Variants in A1CF observed in about 807,000 individuals in gnomAD.
The protein encoded by A1CF is APOBEC1 complementation factor.
In A1CF, 48 loss-of-function variants were observed where a neutral mutation model predicts 68.9. The observed-to-expected ratio is 0.70, with a 90% CI of 0.55 to 0.89. The LOEUF is 0.89. Among genes scored for constraint, A1CF ranks in the 40% least tolerant of loss-of-function variants. The pLI is 0.00. For missense variants in A1CF, 653 were observed against 718.9 expected (o/e 0.91, Z 1.05); for synonymous variants, 272 against 260.4 (o/e 1.04, Z -0.43).
At chr10:50,882,954 G>A (rs940120293) in intron 1 of A1CF, among the ~76,000 whole-genome samples, 1 of 152,146 alleles carries the variant, frequency 6.6e-6, no homozygotes, top group Non-Finnish European at 1.5e-5. Flanking sequence ...TGGGTGAAAA[G>A]GTGTTGGGGT....
At chr10:50,875,098 G>A (rs1237396114) in intron 1 of A1CF, among the ~76,000 whole-genome samples, 3 of 152,190 alleles carry the variant, frequency 2.0e-5, no homozygotes, top group Admixed American at 6.5e-5. Context: ...CAAATACATG[G>A]ACCATATACT....
At chr10:50,880,409 G>A (rs571032634) in intron 1 of A1CF, among the ~76,000 whole-genome samples, 15 of 152,326 alleles carry the variant, frequency 9.8e-5, no homozygotes, top group Non-Finnish European at 2.1e-4. Flanking sequence ...GTGGCAGGAT[G>A]TAAGAGGATG....
At chr10:50,867,476 A>G (rs1044920952) in intron 1 of A1CF, among the ~76,000 whole-genome samples, 3 of 152,222 alleles carry the variant, frequency 2.0e-5, no homozygotes, top group Non-Finnish European at 4.4e-5. Context: ...AATGGGAGCT[A>G]CATAATGTGT....
At chr10:50,822,641 A>G (rs1838732345) in intron 7 of A1CF, 1 of 152,180 alleles carries the variant, frequency 6.6e-6, no homozygotes, top group South Asian at 2.1e-4. Context: ...GGTTATACAG[A>G]GCAAAATTAT....
chr10:50,839,184 A>G (rs868499138), intron 5 of A1CF, among the ~76,000 whole-genome samples: 10 of 152,320 alleles, frequency 6.6e-5, no homozygotes, highest in African/African-American at 2.4e-4. Flanking sequence ...TTCATTATTC[A>G]TATCCTATCT....
At chr10:50,860,433 C>T (rs1840691120) in intron 2 of A1CF, among the ~76,000 whole-genome samples, 1 of 152,170 alleles carries the variant, frequency 6.6e-6, no homozygotes, top group Admixed American at 6.5e-5. Context: ...AGATAGTTAT[C>T]TACTTATTCT....
chr10:50,826,346 A>G (rs1185654046), intron 7 of A1CF, among the ~76,000 whole-genome samples: 1 of 152,162 alleles, frequency 6.6e-6, no homozygotes, highest in East Asian at 1.9e-4. Flanking sequence ...GCATGGAATT[A>G]TGAGATGAAC....
At chr10:50,839,157 G>C (rs749029663) in intron 5 of A1CF, among the ~76,000 whole-genome samples, 1 of 152,128 alleles carries the variant, frequency 6.6e-6, no homozygotes, top group Non-Finnish European at 1.5e-5. Flanking sequence ...ATCAGTGGCC[G>C]TAGTGGATTG....
In A1CF at chr10:50,800,965, C is replaced by A. The variant is rs1393532048; in HGVS notation, c.*5764G>T. 6.6e-6 allele frequency: 1 copy of A among 152,140 alleles called. No individual in the cohort carries two copies. The highest frequency in any genetic ancestry group is 6.5e-5 in the Admixed American group (1 of 15,270). 9.4% of individuals were successfully genotyped at this position (152,140 alleles called of 1,614,324 possible). ...CCTGTCTGTTTTGGGATAGAAGTAA[C>A]TCAACTCAAGGAAGAAAGAAACCAA... is the stretch of plus-strand genomic sequence containing the variant. On this transcript the variant is annotated 3_prime_UTR_variant, in exon 13 of 13. Transcript: ENST00000373997.
At chr10:50,876,595 T>G (rs1177979020) in intron 1 of A1CF, among the ~76,000 whole-genome samples, 1 of 152,180 alleles carries the variant, frequency 6.6e-6, no homozygotes. Flanking sequence ...TTTCCTGATC[T>G]TCGGACTTGA....
At chr10:50,820,670 TGCCCCATTAACAAAATTAAGAGA>T (rs1564500731) in intron 7 of A1CF, 21 bp from the exon 8 acceptor site, 15 of 1,595,950 alleles carry the variant, frequency 9.4e-6, no homozygotes, top group Non-Finnish European at 1.3e-5. Context: ...GAGTGAAGGT[TGCCCCATTAACAAAATTAAGAGA>T]GCCTTGAAAG....
intron 6 of A1CF, among the ~76,000 whole-genome samples, chr10:50,828,946 G>A (rs1389133129): frequency 1.3e-5 from 2 of 152,176 alleles, no homozygotes; most frequent in Non-Finnish European, 2.9e-5. Flanking sequence ...TAAGAAGACA[G>A]ATGACAAGCA....
At chr10:50,851,669 C>G (rs761405331) in intron 3 of A1CF, among the ~76,000 whole-genome samples, 1 of 152,132 alleles carries the variant, frequency 6.6e-6, no homozygotes, top group African/African-American at 2.4e-5. Context: ...TTAGCAGGGC[C>G]TGAAGAGGTG....
chr10:50,857,239 G>A (rs981955928), intron 3 of A1CF, among the ~76,000 whole-genome samples: 1 of 152,034 alleles, frequency 6.6e-6, no homozygotes, highest in Non-Finnish European at 1.5e-5. Context: ...TAATACACGC[G>A]TACAATATGT....
intron 12 of A1CF, among the ~76,000 whole-genome samples, chr10:50,809,683 G>A (rs1236375765): frequency 1.3e-5 from 2 of 152,098 alleles, no homozygotes; most frequent in African/African-American, 4.8e-5. Flanking sequence ...AAGCTGAGCC[G>A]AGACCAGAAC....
chr10:50,819,189 A>T (rs1410078924), intron 8 of A1CF, among the ~76,000 whole-genome samples: 4 of 152,106 alleles, frequency 2.6e-5, no homozygotes, highest in Admixed American at 2.6e-4. Flanking sequence ...GCAAAGGCAC[A>T]ATCATAGATC....
chr10:50,880,612 C>T (rs141883042), intron 1 of A1CF, among the ~76,000 whole-genome samples: 2 of 152,264 alleles, frequency 1.3e-5, no homozygotes, highest in African/African-American at 4.8e-5. Flanking sequence ...TGATTTCTGA[C>T]TTCCATTTCA....
intron 3 of A1CF, among the ~76,000 whole-genome samples, chr10:50,845,343 A>T (rs969823027): frequency 6.6e-6 from 1 of 152,186 alleles, no homozygotes; most frequent in Non-Finnish European, 1.5e-5. Context: ...TTACCTTAAA[A>T]ATGTGCAATT....
intron 7 of A1CF, among the ~76,000 whole-genome samples, chr10:50,821,046 CA>C (rs1191355532): frequency 1.3e-5 from 2 of 152,088 alleles, no homozygotes; most frequent in Non-Finnish European, 1.5e-5. Flanking sequence ...TTCACCCCAG[CA>C]AAATGTCTTT....
Sources: allele counts gnomAD v4.1 joint callset (sites outside exome capture counted in the v4.1 genomes callset), GRCh38; gene constraint gnomAD v4.1.1; transcripts MANE v1.5; gene names NCBI Gene and HGNC (gene_info 2026-07-23, HGNC 2026-07-21).